EVI5: variants seen among roughly 807,000 people sequenced by gnomAD.
EVI5 encodes the protein ecotropic viral integration site 5 protein homolog.
Under a neutral mutation model 112.0 loss-of-function variants are expected in EVI5, and 73 were observed. That is an observed-to-expected ratio of 0.65 (90% CI 0.54 to 0.79). EVI5 has a LOEUF of 0.79. EVI5 is among the 30% of genes least tolerant of loss of function. The pLI is 0.00. For synonymous variants in EVI5, 305 were observed against 319.9 expected (o/e 0.95, Z 0.50); for missense variants, 900 against 968.8 (o/e 0.93, Z 0.94).
intron 18 of EVI5, among the ~76,000 whole-genome samples, chr1:92,591,309 A>C (rs1673837780): frequency 6.6e-6 from 1 of 152,202 alleles, no homozygotes; most frequent in Admixed American, 6.5e-5. Flanking sequence ...ATTAAAAGAC[A>C]CAGACTGGCA....
intron 10 of EVI5, among the ~76,000 whole-genome samples, chr1:92,675,170 C>G (rs1666514692): frequency 1.3e-5 from 2 of 152,186 alleles, no homozygotes; most frequent in African/African-American, 2.4e-5. Context: ...TGGTGAAACC[C>G]TGTCTCTACC....
intron 18 of EVI5, among the ~76,000 whole-genome samples, chr1:92,596,836 A>C (rs1352780693): frequency 6.6e-6 from 1 of 152,120 alleles, no homozygotes; most frequent in Non-Finnish European, 1.5e-5. Flanking sequence ...GTTGTTAAAG[A>C]CTATCTTTAA....
At chr1:92,725,530 C>T (rs539165145) in intron 2 of EVI5, among the ~76,000 whole-genome samples, 1 of 152,102 alleles carries the variant, frequency 6.6e-6, no homozygotes, top group South Asian at 2.1e-4. Flanking sequence ...TGAGACCAGC[C>T]TGAATAACAC....
intron 18 of EVI5, among the ~76,000 whole-genome samples, chr1:92,583,104 C>A (rs1404830720): frequency 1.3e-5 from 2 of 152,052 alleles, no homozygotes; most frequent in Non-Finnish European, 2.9e-5. Context: ...CCTAGTATGT[C>A]TTGTAGATCT....
exon 1 of EVI5, chr1:92,792,378 A>G (rs570242950): frequency 3.7e-6 from 6 of 1,611,026 alleles, no homozygotes; most frequent in Non-Finnish European, 5.1e-6. Context: ...GGCAGCAGTC[A>G]TTTTGTTGGT....
chr1:92,577,041 A>G (rs1005421541), intron 18 of EVI5, among the ~76,000 whole-genome samples: 39 of 152,190 alleles, frequency 2.6e-4, no homozygotes, highest in African/African-American at 8.9e-4. Context: ...TAAGATACTT[A>G]AGACTTCAGA....
At chr1:92,756,722 A>T in intron 1 of EVI5, 1 of 485,916 alleles carries the variant, frequency 2.1e-6, no homozygotes, top group Admixed American at 2.2e-5. Context: ...ATCCTACATC[A>T]ACCAAGCTGT....
At chr1:92,705,317 A>G (rs1400642839) in intron 2 of EVI5, among the ~76,000 whole-genome samples, 1 of 152,242 alleles carries the variant, frequency 6.6e-6, no homozygotes, top group East Asian at 1.9e-4. Context: ...AGGATTTCAC[A>G]TATTTGCTTA....
chr1:92,774,607 C>G (rs568824313), intron 1 of EVI5, among the ~76,000 whole-genome samples: 1 of 152,288 alleles, frequency 6.6e-6, no homozygotes, highest in South Asian at 2.1e-4. Context: ...AACAAAGGAG[C>G]TAGCAGTTAC....
chr1:92,572,599 A>G (rs914966), intron 18 of EVI5, among the ~76,000 whole-genome samples: 140,154 of 152,136 alleles, frequency 0.92, 64,644 homozygotes, highest in East Asian at 0.97. Context: ...AGGTTTTGTG[A>G]TTATTACTTC....
At chr1:92,570,724 G>A (rs930127443) in intron 18 of EVI5, among the ~76,000 whole-genome samples, 1 of 151,972 alleles carries the variant, frequency 6.6e-6, no homozygotes, top group African/African-American at 2.4e-5. Context: ...AAAAAATTCT[G>A]GTAAAACAAA....
intron 19 of EVI5, among the ~76,000 whole-genome samples, chr1:92,559,017 G>T (rs1410944692): frequency 6.6e-6 from 1 of 152,026 alleles, no homozygotes; most frequent in Non-Finnish European, 1.5e-5. Flanking sequence ...ATGTCCCAAG[G>T]ATACTAAAAC....
intron 1 of EVI5, among the ~76,000 whole-genome samples, chr1:92,778,204 G>A (rs984561475): frequency 6.6e-6 from 1 of 152,122 alleles, no homozygotes; most frequent in Non-Finnish European, 1.5e-5. Flanking sequence ...ACTGCACCCC[G>A]CCAAAGATGG....
At chr1:92,632,732 C>G (rs977534770) in intron 14 of EVI5, among the ~76,000 whole-genome samples, 4 of 152,076 alleles carry the variant, frequency 2.6e-5, no homozygotes, top group Admixed American at 6.5e-5. Context: ...AATGTGTTTG[C>G]TCTTGCTTCT....
intron 1 of EVI5, among the ~76,000 whole-genome samples, chr1:92,737,723 TCTCCACTTC>T (rs1308949498): frequency 1.3e-5 from 2 of 152,128 alleles, no homozygotes; most frequent in Non-Finnish European, 2.9e-5. Context: ...TTTTTCTCTG[TCTCCACTTC>T]CTCCACTTCA....
chr1:92,757,744 A>G (rs562418452), intron 1 of EVI5, among the ~76,000 whole-genome samples: 1 of 152,022 alleles, frequency 6.6e-6, no homozygotes, highest in South Asian at 2.1e-4. Flanking sequence ...TCTATTAAAG[A>G]TACAAAAATT....
intron 13 of EVI5, among the ~76,000 whole-genome samples, chr1:92,648,642 T>G (rs1257527339): frequency 6.6e-6 from 1 of 152,236 alleles, no homozygotes; most frequent in Non-Finnish European, 1.5e-5. Context: ...TGTGATCTTT[T>G]GGGTCTGGCT....
intron 19 of EVI5, among the ~76,000 whole-genome samples, chr1:92,545,323 G>T (rs946909551): frequency 6.6e-6 from 1 of 151,614 alleles, no homozygotes; most frequent in East Asian, 1.9e-4. Context: ...TGATCCTCCT[G>T]TCTCGGCCTC....
At chr1:92,575,058 A>G (rs1378147395) in intron 18 of EVI5, among the ~76,000 whole-genome samples, 1 of 152,204 alleles carries the variant, frequency 6.6e-6, no homozygotes, top group Non-Finnish European at 1.5e-5. Flanking sequence ...AAAGTGCCCC[A>G]GACTAGGAGG....
Sources: gnomAD v4.1 joint callset for allele counts (sites outside exome capture counted in the v4.1 genomes callset) on GRCh38, gnomAD v4.1.1 for gene constraint, MANE v1.5 for transcripts, NCBI Gene and HGNC (gene_info 2026-07-23, HGNC 2026-07-21) for gene names.